The following FADS6 variants were observed in gnomAD, a reference collection of about 807,000 sequenced individuals.
FADS6 encodes the protein fatty acid desaturase 6, also known as fatty acid desaturase domain family, member 6.
FADS6 carries 28 observed loss-of-function variants against 31.7 expected under a neutral mutation model. The observed-to-expected ratio is 0.88, with a 90% CI of 0.66 to 1.21. The LOEUF (loss-of-function observed/expected upper bound fraction) is 1.21, where lower values mean the gene tolerates loss of function less well. FADS6 is among the 50% of genes most tolerant of loss of function. FADS6 has a pLI of 0.00. For missense variants in FADS6, 494 were observed against 504.2 expected, an observed-to-expected ratio of 0.98 and a Z score of 0.19; for synonymous variants, 191 against 213.1, an observed-to-expected ratio of 0.90 and a Z score of 0.90.
Position 74,881,107 on chromosome 17 carries a change from G to C in FADS6, c.741C>G (p.Ser247=). Residue 247 remains serine (S), a synonymous_variant, in exon 4 of 6, where the codon TCC becomes TCG. Coordinates refer to ENST00000612771, the MANE Select transcript of FADS6 (RefSeq NM_178128.6). ...SALGCMFLTR[S]LLAHPYLHVN... ...CGTGGAGGTAGGGGTGGGCCAACAG[G>C]GATCTGGTGAGGAACATGCAGCCCA... The C allele has an allele frequency of 6.2e-7, 1 of 1,613,720 alleles. No homozygotes were observed. Among genetic ancestry groups the C allele is most frequent in the Non-Finnish European group, 8.5e-7 (1 of 1,179,796 alleles).
chr17:74,884,287 G>A (rs2144714352), intron 2 of FADS6, among the ~76,000 whole-genome samples: 1 of 152,306 alleles, frequency 6.6e-6, no homozygotes, highest in African/African-American at 2.4e-5. Flanking sequence ...ACTTGCACCT[G>A]GAGACTTGTA....
chr17:74,883,100 G>C (rs372098619), intron 2 of FADS6, among the ~76,000 whole-genome samples: 1 of 152,194 alleles, frequency 6.6e-6, no homozygotes, highest in East Asian at 1.9e-4. Context: ...GCATCTGCTC[G>C]TTAATAACAC....
downstream of FADS6, among the ~76,000 whole-genome samples, chr17:74,877,120 C>T (rs1398113253): frequency 6.6e-6 from 1 of 152,012 alleles, no homozygotes; most frequent in Non-Finnish European, 1.5e-5. Context: ...CTGCACCCCA[C>T]CCTCCTCCCA....
rs1223730085 is a variant in FADS6, at chr17:74,879,522, A to G, written c.842T>C (p.Leu281Pro). The change falls in exon 5 of 6, where the codon CTG becomes CCG. Residue 281 changes from leucine (L) to proline (P), a missense_variant. By Grantham distance (98) the Leu-to-Pro change is moderately conservative (BLOSUM62 -3). Transcript: ENST00000612771. ...CAGCCGGGCCAGGTTAAGCACCCCC[A>G]GGCTCATCATGTGAATCCGACGGGG... Reference protein sequence around the residue: ...NKPRRIHMMSLGVLNLARLPV... With the variant: ...NKPRRIHMMSPGVLNLARLPV... 5 of 1,613,660 alleles carry G rather than the reference A, an allele frequency of 3.1e-6. No homozygotes were observed. Among genetic ancestry groups the G allele is most frequent in the African/African-American group, 1.3e-5 (1 of 74,906 alleles).
At position 74,888,152 on chromosome 17, in the gene FADS6, ACACGCGCG is replaced by A. The variant is rs1225908770; in HGVS notation, c.411+4363_411+4370del. ...CACACACACACACACACACACACAC[ACACGCGCG>A]CGCGCGCGCGCGCAGAGTACCAATG... On this transcript the variant is annotated intron_variant, in intron 2 of 5. Coordinates refer to ENST00000612771, the MANE Select transcript of FADS6 (RefSeq NM_178128.6). 1.3e-3 allele frequency among the ~76,000 whole-genome samples: 160 copies of A among 124,314 alleles called. 2 individuals are homozygous for A. Among genetic ancestry groups the A allele is most frequent in the African/African-American group, 5.8e-3 (154 of 26,624 alleles). The allele number at this position is 124,314 out of a possible 152,430, so 81.6% of individuals were successfully genotyped here.
chr17:74,885,408 T>G (rs1470904135), intron 2 of FADS6, among the ~76,000 whole-genome samples: 1 of 152,078 alleles, frequency 6.6e-6, no homozygotes, highest in African/African-American at 2.4e-5. Context: ...CTAGAAAACC[T>G]ACTACTGAGG....
Position 74,881,236 on chromosome 17 carries a change from C to T in FADS6, c.612G>A (p.Glu204=), listed in dbSNP as rs1408346413. 3 of 1,599,438 alleles carry T rather than the reference C, an allele frequency of 1.9e-6. No homozygotes were observed. Among genetic ancestry groups the T allele is most frequent in the Admixed American group, 3.5e-5 (2 of 57,090 alleles). The change falls in exon 4 of 6, where the codon GAG becomes GAA. Residue 204 remains glutamate (E), a synonymous_variant. Transcript: ENST00000612771. ...CCAGCGTCCGCAGGGCTGTCCCGAGCTCCACCTTCCTCAGCCGCTCTGCCA... is the reference window on the plus strand; with the variant it reads ...CCAGCGTCCGCAGGGCTGTCCCGAGTTCCACCTTCCTCAGCCGCTCTGCCA... ...LVAVERLRKV[E]LGTALRTLAL...
chr17:74,886,090 T>A (rs1334748897), intron 2 of FADS6, among the ~76,000 whole-genome samples: 1 of 151,828 alleles, frequency 6.6e-6, no homozygotes, highest in Non-Finnish European at 1.5e-5. Flanking sequence ...ATACAAAAAA[T>A]TAGCTGGGCG....
chr17:74,879,950 A>G (rs2038549783), intron 4 of FADS6, among the ~76,000 whole-genome samples: 1 of 152,204 alleles, frequency 6.6e-6, no homozygotes, highest in African/African-American at 2.4e-5. Context: ...TCATCATTCA[A>G]GGTCAAGTTT....
chr17:74,892,482 G>T (rs1203406089), intron 2 of FADS6, 41 bp downstream of exon 2: 2 of 1,586,878 alleles, frequency 1.3e-6, no homozygotes, highest in Non-Finnish European at 1.7e-6. Flanking sequence ...GCTGCCACAC[G>T]GTCCCAGCAG....
At chr17:74,876,027 TAGTG>T (rs2038505564), downstream of FADS6, among the ~76,000 whole-genome samples, 1 of 152,210 alleles carries the variant, frequency 6.6e-6, no homozygotes, top group African/African-American at 2.4e-5. Context: ...GTTTCAGAAC[TAGTG>T]AGAGTCTGTA....
At chr17:74,883,764 C>T (rs2038597161) in intron 2 of FADS6, among the ~76,000 whole-genome samples, 1 of 152,116 alleles carries the variant, frequency 6.6e-6, no homozygotes, top group Non-Finnish European at 1.5e-5. Flanking sequence ...GCAACCTCCG[C>T]CTCCTGGGTT....
At chr17:74,882,949 G>C (rs1348773031) in intron 2 of FADS6, 1 of 1,141,766 alleles carries the variant, frequency 8.8e-7, no homozygotes, top group African/African-American at 1.6e-5. Context: ...AAGCATTTGG[G>C]GGTGGGAGGC....
intron 2 of FADS6, among the ~76,000 whole-genome samples, chr17:74,887,473 G>A (rs2038635582): frequency 1.3e-5 from 2 of 152,088 alleles, no homozygotes; most frequent in African/African-American, 2.4e-5. Flanking sequence ...CTCCACCCTG[G>A]TCAATGCCCT....
chr17:74,877,672 C>A lies in FADS6; in HGVS notation c.*659G>T, dbSNP rs200120760. On this transcript the variant is annotated 3_prime_UTR_variant, in exon 6 of 6. Transcript: ENST00000612771. Reference sequence around the variant, plus strand: ...TTTCCCTAACTCTGTCCCTGGGGAACCTTCTCCCCTCACTTCCCCTGGAGT... The same window carrying A: ...TTTCCCTAACTCTGTCCCTGGGGAAACTTCTCCCCTCACTTCCCCTGGAGT... The A allele has an allele frequency of 2.2e-4, 214 of 981,770 alleles. 1 individual carries two copies. The East Asian group carries it at 4.0e-3, about 18-fold the overall frequency. 60.8% of individuals were successfully genotyped at this position (981,770 alleles called of 1,614,324 possible).
At chr17:74,883,906 G>T (rs1473948925) in intron 2 of FADS6, among the ~76,000 whole-genome samples, 1 of 152,110 alleles carries the variant, frequency 6.6e-6, no homozygotes, top group African/African-American at 2.4e-5. Context: ...GGCTTCATGT[G>T]ATCCACCCAC....
chr17:74,887,518 T>C (rs1418759405), intron 2 of FADS6, among the ~76,000 whole-genome samples: 1 of 152,244 alleles, frequency 6.6e-6, no homozygotes, highest in Non-Finnish European at 1.5e-5. Flanking sequence ...ACCTACCAGC[T>C]GGCGTGGCAT....
At position 74,893,237 on chromosome 17, in the gene FADS6, C is replaced by A. The variant is rs1386299343; in HGVS notation, c.244+115G>T. 5.8e-6 allele frequency: 7 copies of A among 1,201,236 alleles called. No individual in the cohort carries two copies. The African/African-American group carries it at 1.1e-4, about 19-fold the overall frequency. 74.4% of individuals were successfully genotyped at this position (1,201,236 alleles called of 1,614,324 possible). The stretch of plus-strand genomic sequence containing the variant: ...CCTCCGCCTCCCTGCCGCCGCCAGT[C>A]CACTCCGCAGGCTGCACTCCCACGG... On this transcript the variant is annotated intron_variant, in intron 1 of 5. Coordinates refer to ENST00000612771, the MANE Select transcript of FADS6 (RefSeq NM_178128.6).
downstream of FADS6, among the ~76,000 whole-genome samples, chr17:74,876,775 C>T (rs140437242): frequency 0.097 from 14,692 of 151,712 alleles, 2,151 homozygotes; most frequent in African/African-American, 0.32. Flanking sequence ...CCAGCCTGGG[C>T]GACAGAGCGA....
Sources: allele counts gnomAD v4.1 joint callset (sites outside exome capture counted in the v4.1 genomes callset), GRCh38; gene constraint gnomAD v4.1.1; transcripts MANE v1.5; gene names NCBI Gene and HGNC (gene_info 2026-07-23, HGNC 2026-07-21).